The following NOS1AP variants were observed in gnomAD, a reference collection of about 807,000 sequenced individuals.
NOS1AP encodes carboxyl-terminal PDZ ligand of neuronal nitric oxide synthase protein.
Under a neutral mutation model 56.2 loss-of-function variants are expected in NOS1AP, and 21 were observed. That is an observed-to-expected ratio of 0.37 (90% CI 0.26 to 0.54). NOS1AP has a LOEUF of 0.54. NOS1AP is among the 20% of genes least tolerant of loss of function. The probability of loss-of-function intolerance (pLI) is 0.84; values close to 1 mark genes in which losing one functional copy is unlikely to be tolerated. For synonymous variants in NOS1AP, 270 were observed against 274.6 expected, an observed-to-expected ratio of 0.98 and a Z score of 0.17; for missense variants, 522 against 657.8, an observed-to-expected ratio of 0.79 and a Z score of 2.26.
In NOS1AP at chr1:162,264,463, C is replaced by CTCCTCTCCTCTCCTCCCCTCCCCTG. The variant is rs1557855321; in HGVS notation, c.178-22876_178-22875insTCCTCTCCTCCCCTCCCCTGTCCTC. Among the ~76,000 whole-genome samples, 12 of 25,412 alleles carry CTCCTCTCCTCTCCTCCCCTCCCCTG rather than the reference C, an allele frequency of 4.7e-4. 1 individual carries two copies. Among genetic ancestry groups the CTCCTCTCCTCTCCTCCCCTCCCCTG allele is most frequent in the African/African-American group, 1.5e-3 (10 of 6,830 alleles). The allele number at this position is 25,412 out of a possible 152,430, so 16.7% of individuals were successfully genotyped here. A position where few individuals can be genotyped will look rare whatever the true frequency, so the allele number is the denominator to read the frequency against. The stretch of plus-strand genomic sequence containing the variant: ...CTCTTCTCTTCTCTTCTCTTCTCTT[C>CTCCTCTCCTCTCCTCCCCTCCCCTG]TCCTCCCCTCCCCTCCCCTCCCCTC... On this transcript the variant is annotated intron_variant, in intron 2 of 9. Coordinates refer to ENST00000361897, the MANE Select transcript of NOS1AP (RefSeq NM_014697.3).
intron 2 of NOS1AP, among the ~76,000 whole-genome samples, chr1:162,261,094 C>T (rs114845451): frequency 0.034 from 4,664 of 138,458 alleles, 678 homozygotes; most frequent in Non-Finnish European, 0.043. Context: ...CCCAAAGTGC[C>T]TTGAAAGTTA....
intron 1 of NOS1AP, among the ~76,000 whole-genome samples, chr1:162,113,766 C>T (rs1002110545): frequency 1.3e-5 from 2 of 152,106 alleles, no homozygotes; most frequent in African/African-American, 2.4e-5. Flanking sequence ...TCCCATACTG[C>T]GGATTACAAT....
chr1:162,167,149 A>G (rs1337511919), intron 2 of NOS1AP, among the ~76,000 whole-genome samples: 1 of 152,216 alleles, frequency 6.6e-6, no homozygotes, highest in Admixed American at 6.5e-5. Context: ...ACGAAGGTTT[A>G]TGGTGGAAAT....
chr1:162,121,923 T>C (rs1648258041), intron 1 of NOS1AP, among the ~76,000 whole-genome samples: 1 of 152,192 alleles, frequency 6.6e-6, no homozygotes, highest in African/African-American at 2.4e-5. Flanking sequence ...CTAAATACTG[T>C]AGTTAAGGTC....
chr1:162,145,674 C>T (rs989152787), intron 1 of NOS1AP, among the ~76,000 whole-genome samples: 10 of 152,062 alleles, frequency 6.6e-5, no homozygotes, highest in African/African-American at 2.4e-4. Context: ...TTGGAAAGCT[C>T]CTTTGGTTCT....
rs556181374 is a variant in NOS1AP, at chr1:162,194,010, G to A, written c.177+39534G>A. On this transcript the variant is annotated intron_variant, in intron 2 of 9. Transcript: ENST00000361897. ...TGAGGCCTCCCGTCTCACAGGCTCT[G>A]CAGAGATCCAGGGCTGTCACTTCAA... Among the ~76,000 whole-genome samples, 7 of 152,274 alleles carry A rather than the reference G, an allele frequency of 4.6e-5. No individual in the cohort carries two copies. In the South Asian group the frequency reaches 1.2e-3, roughly 27 times the overall value.
intron 6 of NOS1AP, among the ~76,000 whole-genome samples, chr1:162,350,782 A>C (rs2101814424): frequency 6.7e-6 from 1 of 149,616 alleles, no homozygotes; most frequent in Non-Finnish European, 1.5e-5. Context: ...ACATACCTGC[A>C]ACTTTGTATC....
chr1:162,365,165 G>A, intron 8 of NOS1AP: 1 of 1,426,130 alleles, frequency 7.0e-7, no homozygotes, highest in Non-Finnish European at 9.1e-7. Context: ...GGGTACCTTA[G>A]TGATGCATCA....
intron 2 of NOS1AP, among the ~76,000 whole-genome samples, chr1:162,171,592 C>G (rs1286097776): frequency 1.3e-5 from 2 of 152,154 alleles, no homozygotes; most frequent in Admixed American, 6.5e-5. Context: ...TAATCTTTGT[C>G]TCAGCCATCC....
At chr1:162,261,500 G>GGAGA (rs1553200057) in intron 2 of NOS1AP, among the ~76,000 whole-genome samples, 33 of 2,202 alleles carry the variant, frequency 0.015, 13 homozygotes, top group Non-Finnish European at 0.035. Flanking sequence ...GAGAGAGAGA[G>GGAGA]AGAGAGAGAG....
At chr1:162,287,244 T>C (rs1484698855) in intron 2 of NOS1AP, 100 bp from the exon 3 acceptor site, 2 of 826,522 alleles carry the variant, frequency 2.4e-6, no homozygotes, top group African/African-American at 3.4e-5. Flanking sequence ...TCCCCACACC[T>C]GTCTGGGGAC....
At chr1:162,351,208 G>A (rs1466482176) in intron 6 of NOS1AP, among the ~76,000 whole-genome samples, 2 of 152,192 alleles carry the variant, frequency 1.3e-5, no homozygotes, top group African/African-American at 2.4e-5. Flanking sequence ...TAAAACTAGT[G>A]CAGTGCCTGA....
chr1:162,305,830 G>A (rs565262239), intron 4 of NOS1AP, among the ~76,000 whole-genome samples: 50 of 152,192 alleles, frequency 3.3e-4, no homozygotes, highest in African/African-American at 1.2e-3. Flanking sequence ...CAAACTCCTC[G>A]GGATAATAAC....
chr1:162,245,697 T>A (rs1571157527), intron 2 of NOS1AP, among the ~76,000 whole-genome samples: 1 of 152,220 alleles, frequency 6.6e-6, no homozygotes, highest in East Asian at 1.9e-4. Flanking sequence ...TTTACAATCC[T>A]GTCAGCTAAT....
chr1:162,192,206 A>G (rs114405674), intron 2 of NOS1AP, among the ~76,000 whole-genome samples: 4,932 of 152,270 alleles, frequency 0.032, 121 homozygotes, highest in Middle Eastern at 0.054. Context: ...CAAGCCCTCC[A>G]GGTGATTCTG....
intron 4 of NOS1AP, among the ~76,000 whole-genome samples, chr1:162,305,260 C>A (rs1235072710): frequency 1.3e-5 from 2 of 152,132 alleles, no homozygotes; most frequent in Non-Finnish European, 2.9e-5. Flanking sequence ...TCACTCCAAA[C>A]AGAAACTCTG....
At chr1:162,260,814 G>A (rs1654183866) in intron 2 of NOS1AP, among the ~76,000 whole-genome samples, 1 of 151,998 alleles carries the variant, frequency 6.6e-6, no homozygotes, top group South Asian at 2.1e-4. Flanking sequence ...ATTTGGAACT[G>A]AGTATAATGA....
chr1:162,175,530 T>G (rs1290218551), intron 2 of NOS1AP, among the ~76,000 whole-genome samples: 1 of 152,194 alleles, frequency 6.6e-6, no homozygotes, highest in Non-Finnish European at 1.5e-5. Flanking sequence ...CAGGCTCATC[T>G]GGTGTATTTC....
At chr1:162,174,130 T>C (rs1217432202) in intron 2 of NOS1AP, among the ~76,000 whole-genome samples, 1 of 152,122 alleles carries the variant, frequency 6.6e-6, no homozygotes, top group Non-Finnish European at 1.5e-5. Flanking sequence ...TGCGGCACTA[T>C]TCACAATAGC....
Sources: gnomAD v4.1 joint callset for allele counts (sites outside exome capture counted in the v4.1 genomes callset) on GRCh38, gnomAD v4.1.1 for gene constraint, MANE v1.5 for transcripts, NCBI Gene and HGNC (gene_info 2026-07-23, HGNC 2026-07-21) for gene names.